The following SLC16A12 variants were observed in gnomAD, a reference collection of about 807,000 sequenced individuals.
The protein encoded by SLC16A12 is solute carrier family 16 member 12.
Under a neutral mutation model 42.4 loss-of-function variants are expected in SLC16A12, and 17 were observed. The ratio of observed to expected loss-of-function variants is 0.40; its 90% CI spans 0.27 to 0.60. SLC16A12 has a LOEUF of 0.60. SLC16A12 is among the 20% of genes least tolerant of loss of function. The probability of loss-of-function intolerance (pLI) is 0.42; values close to 1 mark genes in which losing one functional copy is unlikely to be tolerated. For synonymous variants in SLC16A12, 224 were observed against 229.4 expected (o/e 0.98, Z 0.21); for missense variants, 544 against 623.0 (o/e 0.87, Z 1.35).
intron 2 of SLC16A12, among the ~76,000 whole-genome samples, chr10:89,548,873 GCA>G (rs1347346117): frequency 6.6e-6 from 1 of 152,184 alleles, no homozygotes; most frequent in Non-Finnish European, 1.5e-5. Flanking sequence ...CACAGGAATT[GCA>G]CAAGTGTGAT....
chr10:89,529,829 T>C (rs11816154), intron 2 of SLC16A12, among the ~76,000 whole-genome samples: 1,883 of 152,306 alleles, frequency 0.012, 37 homozygotes, highest in African/African-American at 0.042. Flanking sequence ...ATTACAGGCA[T>C]GAGCCACTGC....
chr10:89,440,052 C>T (rs1411665435), intron 5 of SLC16A12, among the ~76,000 whole-genome samples: 2 of 122,522 alleles, frequency 1.6e-5, no homozygotes, highest in Admixed American at 1.1e-4. Flanking sequence ...GCCTGAGGAC[C>T]GAGCCAGATA....
chr10:89,527,239 T>C (rs1843468712), intron 2 of SLC16A12, among the ~76,000 whole-genome samples: 1 of 151,922 alleles, frequency 6.6e-6, no homozygotes, highest in African/African-American at 2.4e-5. Flanking sequence ...TCCCAGCACT[T>C]TGGGAGGCCG....
intron 2 of SLC16A12, among the ~76,000 whole-genome samples, chr10:89,509,526 G>A (rs1195922936): frequency 2.0e-5 from 3 of 152,178 alleles, no homozygotes; most frequent in African/African-American, 7.2e-5. Flanking sequence ...AAAGGCCTTT[G>A]ACAAAATTTA....
chr10:89,494,010 T>A (rs1222605136), intron 2 of SLC16A12, among the ~76,000 whole-genome samples: 3 of 152,214 alleles, frequency 2.0e-5, no homozygotes, highest in African/African-American at 7.2e-5. Flanking sequence ...ACTGAAGTAA[T>A]CATATTGGCC....
chr10:89,551,041 AG>A (rs1223538268), intron 2 of SLC16A12, among the ~76,000 whole-genome samples: 3 of 152,216 alleles, frequency 2.0e-5, no homozygotes, highest in Non-Finnish European at 4.4e-5. Flanking sequence ...AAGGTGTGGA[AG>A]TCCATGATGT....
chr10:89,546,166 G>T (rs1422279101), intron 2 of SLC16A12, among the ~76,000 whole-genome samples: 1 of 152,100 alleles, frequency 6.6e-6, no homozygotes, highest in Non-Finnish European at 1.5e-5. Flanking sequence ...AAAAGCAATA[G>T]TAACAAAAGC....
At chr10:89,435,352 T>G (rs531208880) in intron 7 of SLC16A12, among the ~76,000 whole-genome samples, 135 of 152,366 alleles carry the variant, frequency 8.9e-4, no homozygotes, top group African/African-American at 3.1e-3. Context: ...ATCCTTGACT[T>G]CTTTCTCTCA....
At chr10:89,532,166 CTAAT>C (rs1373958114) in intron 2 of SLC16A12, among the ~76,000 whole-genome samples, 5 of 152,298 alleles carry the variant, frequency 3.3e-5, no homozygotes, top group South Asian at 4.1e-4. Context: ...AATGAGCACA[CTAAT>C]TAAATAATTA....
At chr10:89,530,202 G>GA (rs1372661747) in intron 2 of SLC16A12, among the ~76,000 whole-genome samples, 3 of 152,074 alleles carry the variant, frequency 2.0e-5, no homozygotes, top group Non-Finnish European at 2.9e-5. Context: ...TGGAGCTTGT[G>GA]AAAAAACCTG....
intron 2 of SLC16A12, among the ~76,000 whole-genome samples, chr10:89,512,775 G>A (rs1247010207): frequency 1.3e-5 from 2 of 152,174 alleles, no homozygotes; most frequent in Non-Finnish European, 2.9e-5. Flanking sequence ...AGTTCTGTGA[G>A]CCATTCTAGC....
chr10:89,472,487 C>CTTTTTTTTTTTTTTTTTTTTT (rs71022567), intron 2 of SLC16A12, among the ~76,000 whole-genome samples: 13 of 89,916 alleles, frequency 1.4e-4, no homozygotes, highest in Admixed American at 2.7e-4. Context: ...TCTTTTCTTT[C>CTTTTTTTTTTTTTTTTTTTTT]TTTTTTTTTT....
chr10:89,465,141 A>T (rs950081384), intron 2 of SLC16A12, among the ~76,000 whole-genome samples: 5 of 152,216 alleles, frequency 3.3e-5, no homozygotes, highest in Admixed American at 2.0e-4. Context: ...GCTAGCAAGC[A>T]TCACTACAGA....
rs74831262 is a variant in SLC16A12, at chr10:89,530,177, G to A, written c.-47+4324C>T. 0.015 allele frequency among the ~76,000 whole-genome samples: 2,306 copies of A among 152,196 alleles called. 270 individuals carry two copies. The East Asian group carries it at 0.31, about 20-fold the overall frequency. ...ATTTCCTGCTTCCATTTCTTAAAGA[G>A]GATCAGGACCTTATTGGAGCTTGTG... On this transcript the variant is annotated intron_variant, in intron 2 of 7. Coordinates refer to ENST00000371790, the MANE Select transcript of SLC16A12 (RefSeq NM_213606.4).
intron 2 of SLC16A12, among the ~76,000 whole-genome samples, chr10:89,507,731 T>A (rs1477656379): frequency 6.6e-6 from 1 of 151,868 alleles, no homozygotes; most frequent in Non-Finnish European, 1.5e-5. Context: ...CATAACAATA[T>A]TAACCTCAAA....
At chr10:89,470,818 G>A (rs905925171) in intron 2 of SLC16A12, among the ~76,000 whole-genome samples, 2 of 152,190 alleles carry the variant, frequency 1.3e-5, no homozygotes, top group African/African-American at 4.8e-5. Flanking sequence ...CCAGCAGGAT[G>A]CCCAGTAACC....
At chr10:89,551,614 C>T (rs1445654323) in intron 2 of SLC16A12, among the ~76,000 whole-genome samples, 1 of 152,120 alleles carries the variant, frequency 6.6e-6, no homozygotes, top group Non-Finnish European at 1.5e-5. Context: ...TGTGGGAGGA[C>T]CCAGTGGAAG....
At position 89,431,391 on chromosome 10, in the gene SLC16A12, G is replaced by A. The variant is rs960953470; in HGVS notation, c.*1673C>T. 1 of 152,194 alleles carries A rather than the reference G, an allele frequency of 6.6e-6. No homozygotes were observed. The highest frequency in any genetic ancestry group is 2.4e-5 in the African/African-American group (1 of 41,458). The allele number at this position is 152,194 out of a possible 1,614,324, so 9.4% of individuals were successfully genotyped here. A position where few individuals can be genotyped will look rare whatever the true frequency, so the allele number is the denominator to read the frequency against. ...GAGATAACAGACAACATTTAAATTTGTCTTTGGAAAACAACTATGAAATAT... is the reference window on the plus strand; with the variant it reads ...GAGATAACAGACAACATTTAAATTTATCTTTGGAAAACAACTATGAAATAT... On this transcript the variant is annotated 3_prime_UTR_variant, in exon 8 of 8. Coordinates refer to ENST00000371790, the MANE Select transcript of SLC16A12 (RefSeq NM_213606.4).
rs544236097 is a variant in SLC16A12, at chr10:89,441,435, AG to A, written c.305-185del. Among the ~76,000 whole-genome samples, 717 of 152,326 alleles carry A rather than the reference AG, an allele frequency of 4.7e-3. 11 individuals carry two copies. Among genetic ancestry groups the A allele is most frequent in the Non-Finnish European group, 4.3e-3 (292 of 68,032 alleles). On this transcript the variant is annotated intron_variant, in intron 4 of 7. Coordinates refer to ENST00000371790, the MANE Select transcript of SLC16A12 (RefSeq NM_213606.4). Reference sequence around the variant, plus strand: ...GTCCATGGTCCCACAGATAATAAGCAGCAGGGTTGGAATAGAACTCAAGTCT... The same window carrying A: ...GTCCATGGTCCCACAGATAATAAGCACAGGGTTGGAATAGAACTCAAGTCT...
Sources: allele counts gnomAD v4.1 joint callset (sites outside exome capture counted in the v4.1 genomes callset), GRCh38; gene constraint gnomAD v4.1.1; transcripts MANE v1.5; gene names NCBI Gene and HGNC (gene_info 2026-07-23, HGNC 2026-07-21).